Variants in UVSSA observed in about 807,000 individuals in gnomAD.
UVSSA encodes the protein UV-stimulated scaffold protein A.
Under a neutral mutation model 73.9 loss-of-function variants are expected in UVSSA, and 72 were observed. The ratio of observed to expected loss-of-function variants is 0.97; its 90% CI spans 0.81 to 1.19. The LOEUF (loss-of-function observed/expected upper bound fraction) is 1.19, where lower values mean the gene tolerates loss of function less well. Among genes scored for constraint, UVSSA ranks in the 50% most tolerant of loss-of-function variants. UVSSA has a pLI of 0.00. For synonymous variants in UVSSA, 454 were observed against 391.3 expected, an observed-to-expected ratio of 1.16 and a Z score of -1.89; for missense variants, 1,150 against 965.0, an observed-to-expected ratio of 1.19 and a Z score of -2.54.
chr4:1,364,662 C>T (rs1180066527), intron 7 of UVSSA, among the ~76,000 whole-genome samples: 1 of 152,170 alleles, frequency 6.6e-6, no homozygotes, highest in African/African-American at 2.4e-5. Flanking sequence ...AGGGATCTCT[C>T]TCCCGGGAAG....
chr4:1,345,644 CAAAAAAAAAAAAAAA>C (rs71168831), upstream of UVSSA, among the ~76,000 whole-genome samples: 176 of 55,956 alleles, frequency 3.1e-3, 1 homozygote, highest in African/African-American at 0.014. Flanking sequence ...GACTTTGTCT[CAAAAAAAAAAAAAAA>C]AAAAAAAAAA....
rs763335750 is a variant in UVSSA, at chr4:1,376,175, C to A, written c.1568+7C>A. ...CAGCCGGGAAGATTGTCAAGTGAGT[C>A]CCCATGTGTCTGAAGTCGGCCAGGG... is the stretch of plus-strand genomic sequence containing the variant. On this transcript the variant is annotated splice_region_variant and intron_variant, in intron 10 of 13. Coordinates refer to ENST00000389851, the MANE Select transcript of UVSSA (RefSeq NM_020894.4). 6.2e-7 allele frequency: 1 copy of A among 1,605,624 alleles called. No individual in the cohort carries two copies. The highest frequency in any genetic ancestry group is 8.5e-7 in the Non-Finnish European group (1 of 1,175,494).
exon 14 of UVSSA, chr4:1,393,662 C>G (rs1226540867): frequency 1.3e-5 from 2 of 152,448 alleles, no homozygotes; most frequent in Admixed American, 6.5e-5. Context: ...AGTTCAACAT[C>G]AGGGCTTATT....
intron 7 of UVSSA, 165 bp from the exon 8 acceptor site, chr4:1,366,155 G>A (rs1360154066): frequency 1.1e-5 from 7 of 616,180 alleles, no homozygotes; most frequent in Non-Finnish European, 1.7e-5. Context: ...AACAAGAACA[G>A]CCTTGGAGAC....
Position 1,388,007 on chromosome 4 carries a change from T to TG in UVSSA, c.*2048dup, listed in dbSNP as rs1262011088. On this transcript the variant is annotated 3_prime_UTR_variant, in exon 14 of 14. Transcript: ENST00000389851. Reference sequence around the variant, plus strand: ...ATTACATTAAATCTAGAGATTGCTTTGGAATGTATTACCGTCTTAATATTA... The same window carrying TG: ...ATTACATTAAATCTAGAGATTGCTTTGGGAATGTATTACCGTCTTAATATTA... The TG allele has an allele frequency of 5.9e-5, 9 of 152,170 alleles. No individual in the cohort carries two copies. The highest frequency in any genetic ancestry group is 4.4e-5 in the Non-Finnish European group (3 of 68,034). The allele number at this position is 152,170 out of a possible 1,614,324, so 9.4% of individuals were successfully genotyped here.
At chr4:1,379,604 C>T (rs978003845) in intron 10 of UVSSA, among the ~76,000 whole-genome samples, 11 of 152,218 alleles carry the variant, frequency 7.2e-5, no homozygotes, top group South Asian at 2.1e-4. Flanking sequence ...ACCGCCCTGT[C>T]CTTACGTCCC....
upstream of UVSSA, among the ~76,000 whole-genome samples, chr4:1,346,454 ACTCC>A (rs1713692973): frequency 6.6e-6 from 1 of 151,916 alleles, no homozygotes; most frequent in Admixed American, 6.5e-5. Flanking sequence ...CCGACCTCGC[ACTCC>A]CCTGCGTTCG....
upstream of UVSSA, among the ~76,000 whole-genome samples, chr4:1,342,021 G>T (rs1306015770): frequency 1.3e-5 from 2 of 152,164 alleles, no homozygotes; most frequent in African/African-American, 4.8e-5. Context: ...AGACATCTGG[G>T]TTGTTCCCTA....
downstream of UVSSA, chr4:1,389,006 G>T (rs1720337644): frequency 6.6e-6 from 1 of 152,100 alleles, no homozygotes; most frequent in Non-Finnish European, 1.5e-5. Flanking sequence ...AAAGATTGTT[G>T]TTAATTATTT....
At chr4:1,369,214 C>T (rs895398438) in intron 8 of UVSSA, among the ~76,000 whole-genome samples, 6 of 152,214 alleles carry the variant, frequency 3.9e-5, no homozygotes, top group African/African-American at 9.6e-5. Context: ...GGGAGTCGAC[C>T]GGGTGCGAGC....
At chr4:1,345,283 G>A (rs1489125856), upstream of UVSSA, among the ~76,000 whole-genome samples, 1 of 152,086 alleles carries the variant, frequency 6.6e-6, no homozygotes, top group African/African-American at 2.4e-5. Context: ...GGCATGGAGT[G>A]AGAGGAAGAG....
At chr4:1,371,501 C>T (rs865785563) in intron 8 of UVSSA, among the ~76,000 whole-genome samples, 9 of 152,118 alleles carry the variant, frequency 5.9e-5, no homozygotes, top group African/African-American at 1.4e-4. Flanking sequence ...TGTATTACTC[C>T]GTTTTCCTGC....
chr4:1,384,867 C>G (rs894798931), intron 13 of UVSSA: 5 of 152,328 alleles, frequency 3.3e-5, no homozygotes, highest in Non-Finnish European at 5.9e-5. Context: ...CAGGCTTCCC[C>G]CAGGCTTGTG....
At chr4:1,372,824 ACCTCCCGCGTCTCAGG>A (rs1276422730) in intron 8 of UVSSA, among the ~76,000 whole-genome samples, 10,051 of 48,672 alleles carry the variant, frequency 0.21, 2,526 homozygotes, top group East Asian at 0.52. Context: ...CAGGGCACTC[ACCTCCCGCGTCTCAGG>A]GCACTCACCT....
At chr4:1,372,799 T>A (rs113733952) in intron 8 of UVSSA, among the ~76,000 whole-genome samples, 1 of 41,888 alleles carries the variant, frequency 2.4e-5, no homozygotes. Flanking sequence ...GTCCCTGCAC[T>A]CACCTCCCGC....
upstream of UVSSA, among the ~76,000 whole-genome samples, chr4:1,343,874 A>AT (rs1160931905): frequency 6.6e-6 from 1 of 152,220 alleles, no homozygotes; most frequent in Non-Finnish European, 1.5e-5. Context: ...AGAGCATCCT[A>AT]TAACAGTTCC....
At chr4:1,395,503 C>T in exon 14 of UVSSA, 1 of 1,604,748 alleles carries the variant, frequency 6.2e-7, no homozygotes, top group Non-Finnish European at 8.5e-7. Flanking sequence ...GGAGTGCCCG[C>T]CTGCTCACAC....
At chr4:1,365,660 G>A (rs899328804) in intron 7 of UVSSA, among the ~76,000 whole-genome samples, 3 of 152,246 alleles carry the variant, frequency 2.0e-5, no homozygotes, top group African/African-American at 7.2e-5. Flanking sequence ...AGGACAGAAT[G>A]TTCCAGAAGT....
intron 10 of UVSSA, 135 bp downstream of exon 10, chr4:1,376,303 G>A: frequency 1.5e-6 from 2 of 1,325,904 alleles, no homozygotes; most frequent in East Asian, 2.8e-5. Context: ...CCACCTTCCG[G>A]GCACCTGGAG....
Sources: gnomAD v4.1 joint callset for allele counts (sites outside exome capture counted in the v4.1 genomes callset) on GRCh38, gnomAD v4.1.1 for gene constraint, MANE v1.5 for transcripts, NCBI Gene and HGNC (gene_info 2026-07-23, HGNC 2026-07-21) for gene names.